AHCYL2: variants seen among roughly 807,000 people sequenced by gnomAD.
AHCYL2 encodes S-adenosylhomocysteine hydrolase-like protein 2.
Under a neutral mutation model 81.4 loss-of-function variants are expected in AHCYL2, and 28 were observed. That is an observed-to-expected ratio of 0.34 (90% CI 0.25 to 0.47). The LOEUF is 0.47. Ranked by LOEUF, AHCYL2 falls within the 20% of genes least tolerant of loss-of-function variation. The probability of loss-of-function intolerance (pLI) is 1.00; values close to 1 mark genes in which losing one functional copy is unlikely to be tolerated. For synonymous variants in AHCYL2, 272 were observed against 290.2 expected (o/e 0.94, Z 0.64); for missense variants, 551 against 785.1 (o/e 0.70, Z 3.56).
chr7:129,336,150 C>A (rs546521679), intron 1 of AHCYL2, among the ~76,000 whole-genome samples: 23 of 144,208 alleles, frequency 1.6e-4, no homozygotes, highest in African/African-American at 5.6e-4. Context: ...CTCACTGCAA[C>A]CTCTACTCCC....
At chr7:129,292,301 C>T (rs1179077106) in intron 1 of AHCYL2, among the ~76,000 whole-genome samples, 1 of 152,134 alleles carries the variant, frequency 6.6e-6, no homozygotes, top group Non-Finnish European at 1.5e-5. Context: ...TGAATTTATG[C>T]GTGGATAAAG....
chr7:129,404,522 A>G (rs1248335173), intron 7 of AHCYL2, among the ~76,000 whole-genome samples: 1 of 152,198 alleles, frequency 6.6e-6, no homozygotes, highest in Middle Eastern at 3.2e-3. Context: ...TAAAAATACA[A>G]AAATTAGCTG....
chr7:129,311,188 GGAA>G (rs1797645366), intron 1 of AHCYL2, among the ~76,000 whole-genome samples: 1 of 152,004 alleles, frequency 6.6e-6, no homozygotes, highest in Non-Finnish European at 1.5e-5. Flanking sequence ...AAGCAAGATT[GGAA>G]GAAGAAGGGA....
intron 1 of AHCYL2, among the ~76,000 whole-genome samples, chr7:129,246,450 C>T (rs1029406981): frequency 6.6e-6 from 1 of 152,104 alleles, no homozygotes; most frequent in African/African-American, 2.4e-5. Flanking sequence ...GTGGTCAGTC[C>T]CTGATCCCAC....
At chr7:129,300,576 T>C (rs2150762051) in intron 1 of AHCYL2, among the ~76,000 whole-genome samples, 1 of 152,370 alleles carries the variant, frequency 6.6e-6, no homozygotes, top group South Asian at 2.1e-4. Context: ...TTCCAAATAC[T>C]GGCTGTTGTG....
chr7:129,332,550 T>C (rs534440801), intron 1 of AHCYL2, among the ~76,000 whole-genome samples: 2 of 152,220 alleles, frequency 1.3e-5, no homozygotes, highest in Non-Finnish European at 2.9e-5. Flanking sequence ...GGTAACAGGA[T>C]TCAGAAGCCA....
chr7:129,407,993 A>G (rs1315977060), intron 10 of AHCYL2, among the ~76,000 whole-genome samples: 2 of 152,226 alleles, frequency 1.3e-5, no homozygotes, highest in African/African-American at 4.8e-5. Context: ...AGCATGGCAG[A>G]TTTAAGAAGC....
At chr7:129,389,276 G>A in intron 3 of AHCYL2, 77 bp downstream of exon 3, 1 of 1,552,826 alleles carries the variant, frequency 6.4e-7, no homozygotes, top group Non-Finnish European at 8.8e-7. Flanking sequence ...TTATGTCTGG[G>A]GTCTGGTAGC....
chr7:129,426,228 A>C lies in AHCYL2; in HGVS notation c.1709-215A>C, dbSNP rs531426599. On this transcript the variant is annotated intron_variant, in intron 15 of 16. Transcript: ENST00000325006. This position sits in a 1 kb window ranked among gnomAD's most constrained non-coding sequence, Gnocchi z 4.3. ...AGGCAGGGTTCAAAGCTGAGTTAGT[A>C]AGGATGAATTATTAAGGCTTTGGAA... is the stretch of plus-strand genomic sequence containing the variant. Among the ~76,000 whole-genome samples, 10 of 152,322 alleles carry C rather than the reference A, an allele frequency of 6.6e-5. No homozygotes were observed. The South Asian group carries it at 1.9e-3, about 28-fold the overall frequency.
chr7:129,352,937 C>CTTTTTTTTTTTTTTTTTTTTTTTTT (rs59762582), intron 1 of AHCYL2, among the ~76,000 whole-genome samples: 1 of 82,556 alleles, frequency 1.2e-5, no homozygotes, highest in African/African-American at 4.5e-5. Flanking sequence ...CCTCCTCATT[C>CTTTTTTTTTTTTTTTTTTTTTTTTT]TTTTTTTTTT....
chr7:129,235,635 C>T (rs1044071416), intron 1 of AHCYL2, among the ~76,000 whole-genome samples: 4 of 151,382 alleles, frequency 2.6e-5, no homozygotes, highest in Admixed American at 1.3e-4. Context: ...ATTGCCCAGG[C>T]TGGTCATGAA....
chr7:129,309,093 G>C (rs867733458), intron 1 of AHCYL2, among the ~76,000 whole-genome samples: 7 of 152,152 alleles, frequency 4.6e-5, no homozygotes, highest in Middle Eastern at 3.4e-3. Context: ...TTAGCCGGGC[G>C]TGGCGGCGGG....
chr7:129,278,262 G>T (rs1796295857), intron 1 of AHCYL2, among the ~76,000 whole-genome samples: 1 of 151,688 alleles, frequency 6.6e-6, no homozygotes, highest in South Asian at 2.1e-4. Flanking sequence ...TTTTTTTAGA[G>T]ATGGGGTCTC....
At chr7:129,297,362 T>C (rs1311600601) in intron 1 of AHCYL2, among the ~76,000 whole-genome samples, 1 of 152,052 alleles carries the variant, frequency 6.6e-6, no homozygotes, top group African/African-American at 2.4e-5. Context: ...AAATTAAAGG[T>C]ACTGAAAAAG....
chr7:129,318,619 C>T (rs990640592), intron 1 of AHCYL2, among the ~76,000 whole-genome samples: 1 of 152,060 alleles, frequency 6.6e-6, no homozygotes, highest in African/African-American at 2.4e-5. Context: ...GTCTCCATAC[C>T]TCACATTTTA....
intron 1 of AHCYL2, among the ~76,000 whole-genome samples, chr7:129,264,219 C>T (rs1230493344): frequency 6.6e-6 from 1 of 152,142 alleles, no homozygotes; most frequent in African/African-American, 2.4e-5. Context: ...GACGGGGTTT[C>T]ACCTTGTTAG....
chr7:129,404,363 T>C (rs923869424), intron 7 of AHCYL2, among the ~76,000 whole-genome samples: 12 of 151,810 alleles, frequency 7.9e-5, no homozygotes, highest in Admixed American at 7.9e-4. Context: ...CATAAAGAAC[T>C]AAAAGTATGA....
chr7:129,234,716 G>T (rs1028626527), intron 1 of AHCYL2, among the ~76,000 whole-genome samples: 1 of 151,868 alleles, frequency 6.6e-6, no homozygotes, highest in Admixed American at 6.6e-5. Context: ...GGCTGGCCTC[G>T]AATTCCTCGC....
chr7:129,275,004 G>A (rs1796151730), intron 1 of AHCYL2, among the ~76,000 whole-genome samples: 1 of 152,134 alleles, frequency 6.6e-6, no homozygotes, highest in Non-Finnish European at 1.5e-5. Flanking sequence ...GCCAGAATTT[G>A]TGGCCCACAG....
Sources: gnomAD v4.1 joint callset for allele counts (sites outside exome capture counted in the v4.1 genomes callset) on GRCh38, gnomAD v4.1.1 for gene constraint, Gnocchi (gnomAD v3.1) non-coding constraint, MANE v1.5 for transcripts, NCBI Gene and HGNC (gene_info 2026-07-23, HGNC 2026-07-21) for gene names.